Variants in ZFPM1 observed in about 807,000 individuals in gnomAD.
ZFPM1 encodes the protein zinc finger protein, FOG family member 1.
ZFPM1 carries 28 observed loss-of-function variants against 46.3 expected under a neutral mutation model. The observed-to-expected ratio is 0.60, with a 90% confidence interval of 0.45 to 0.83. The LOEUF (loss-of-function observed/expected upper bound fraction) is 0.83, where lower values mean the gene tolerates loss of function less well. ZFPM1 is among the 40% of genes least tolerant of loss of function. The pLI is 0.00. For missense variants in ZFPM1, 1,878 were observed against 1,432.4 expected (o/e 1.31, Z -5.02); for synonymous variants, 957 against 675.9 (o/e 1.42, Z -6.45).
chr16:88,473,651 C>T (rs76796676), intron 1 of ZFPM1, among the ~76,000 whole-genome samples: 4 of 152,132 alleles, frequency 2.6e-5, no homozygotes, highest in Admixed American at 2.0e-4. Flanking sequence ...CCGCGGCCCC[C>T]GCCCCATCTA....
At chr16:88,463,502 C>A (rs775132884) in intron 1 of ZFPM1, among the ~76,000 whole-genome samples, 2 of 152,242 alleles carry the variant, frequency 1.3e-5, no homozygotes, top group African/African-American at 4.8e-5. Context: ...TTTACTAGGC[C>A]CCTGCCTCGC....
chr16:88,474,255 G>A (rs1240912650), intron 1 of ZFPM1, among the ~76,000 whole-genome samples: 1 of 152,176 alleles, frequency 6.6e-6, no homozygotes, highest in Non-Finnish European at 1.5e-5. Flanking sequence ...GACACGGGTG[G>A]GGGACCAGCC....
intron 4 of ZFPM1, among the ~76,000 whole-genome samples, chr16:88,523,123 T>C (rs1912028150): frequency 6.6e-6 from 1 of 151,584 alleles, no homozygotes; most frequent in Admixed American, 6.6e-5. Flanking sequence ...GGAGAATTGC[T>C]TGAACCCCGG....
intron 1 of ZFPM1, among the ~76,000 whole-genome samples, chr16:88,472,260 C>T (rs555829910): frequency 6.6e-6 from 1 of 152,268 alleles, no homozygotes; most frequent in African/African-American, 2.4e-5. Context: ...CAGCTCTGCG[C>T]CTCGGTCCCA....
intron 4 of ZFPM1, chr16:88,516,356 A>G: frequency 2.5e-6 from 1 of 397,782 alleles, no homozygotes; most frequent in East Asian, 3.6e-5. Flanking sequence ...CCTAGGGCAC[A>G]GGCCATCCTG....
At position 88,497,531 on chromosome 16, in the gene ZFPM1, G is replaced by T. The variant is rs1413752440; in HGVS notation, c.268+8378G>T. On this transcript the variant is annotated intron_variant, in intron 3 of 9. Coordinates refer to ENST00000319555, the MANE Select transcript of ZFPM1 (RefSeq NM_153813.3). The surrounding 1 kb of genome is among the most constrained non-coding windows in gnomAD (Gnocchi z 5.4). ...TCAGGGTGGGGCTCAGGGCCCGGGC[G>T]GGGATGGGGTTCAGCGGGGTCAGGG... Among the ~76,000 whole-genome samples, 6 of 151,282 alleles carry T rather than the reference G, an allele frequency of 4.0e-5. No homozygotes were observed. Among genetic ancestry groups the T allele is most frequent in the African/African-American group, 9.7e-5 (4 of 41,036 alleles).
chr16:88,488,309 G>A (rs374127848), intron 2 of ZFPM1, among the ~76,000 whole-genome samples: 9 of 152,130 alleles, frequency 5.9e-5, no homozygotes, highest in East Asian at 1.9e-4. Flanking sequence ...GGTGGGGCCC[G>A]GGAAGGAGCT....
In ZFPM1 at chr16:88,455,091, TC is replaced by T. The variant is rs537376814; in HGVS notation, c.40+1414del. Among the ~76,000 whole-genome samples the T allele has an allele frequency of 1.8e-3, 275 of 152,242 alleles. 3 individuals are homozygous for T. Among genetic ancestry groups the T allele is most frequent in the African/African-American group, 6.4e-3 (265 of 41,530 alleles). On this transcript the variant is annotated intron_variant, in intron 1 of 9. Transcript: ENST00000319555. ...CCCGATCCGCGCTTGTGCTCTGGTTTCTTTTTCCTTCCTTCCCTGAGCGCCT... is the reference window on the plus strand; with the variant it reads ...CCCGATCCGCGCTTGTGCTCTGGTTTTTTTTCCTTCCTTCCCTGAGCGCCT...
At chr16:88,483,766 A>G (rs1200089759) in intron 1 of ZFPM1, among the ~76,000 whole-genome samples, 1 of 152,206 alleles carries the variant, frequency 6.6e-6, no homozygotes, top group Non-Finnish European at 1.5e-5. Flanking sequence ...CAGAAAAGGC[A>G]TCTGCCCCTC....
At chr16:88,473,134 A>C (rs1036716892) in intron 1 of ZFPM1, among the ~76,000 whole-genome samples, 7 of 152,258 alleles carry the variant, frequency 4.6e-5, no homozygotes, top group African/African-American at 1.7e-4. Flanking sequence ...AACGAGGAAA[A>C]GGCTGAACTG....
At chr16:88,498,258 C>T (rs561966325) in intron 3 of ZFPM1, among the ~76,000 whole-genome samples, 4 of 152,256 alleles carry the variant, frequency 2.6e-5, no homozygotes, top group African/African-American at 7.2e-5. Flanking sequence ...CTGGGGAGCC[C>T]GAGACAGAAC....
intron 3 of ZFPM1, among the ~76,000 whole-genome samples, chr16:88,493,322 GGAAA>G (rs1240113026): frequency 6.8e-6 from 1 of 146,516 alleles, no homozygotes; most frequent in Non-Finnish European, 1.5e-5. Context: ...CTGGGGTGTG[GGAAA>G]TTGTCCCGGG....
At position 88,488,891 on chromosome 16, in the gene ZFPM1, C is replaced by T. The variant is rs190698996; in HGVS notation, c.146-140C>T. On this transcript the variant is annotated intron_variant, in intron 2 of 9. Transcript: ENST00000319555. ...GATGTCTGTCCCACCCCAGTGAGAG[C>T]GCACCAGGAGATGGGGGTGGCTCTG... 3.1e-4 allele frequency: 406 copies of T among 1,303,546 alleles called. No individual in the cohort carries two copies. In the African/African-American group the frequency reaches 3.6e-3, roughly 12 times the overall value. The allele number at this position is 1,303,546 out of a possible 1,614,324, so 80.7% of individuals were successfully genotyped here.
Position 88,532,709 on chromosome 16 carries a change from G to T in ZFPM1, c.1042G>T (p.Gly348Cys). The T allele has an allele frequency of 4.3e-6, 7 of 1,611,800 alleles. No homozygotes were observed. The highest frequency in any genetic ancestry group is 5.9e-6 in the Non-Finnish European group (7 of 1,179,288). ...CAAGGTGCACACGGACACGCTGAGC[G>T]GTAGGCACCGCAGGGGCCGGGGGGT... ...HLKVHTDTLS[G>C]VCHSCGFIST... is the part of the protein sequence containing the mutation. Residue 348 changes from glycine (G) to cysteine (C), a missense_variant and splice_region_variant, in exon 8 of 10, where the codon GGT (glycine) becomes TGT (cysteine). Transcript: ENST00000319555.
rs979867042 is a variant in ZFPM1, at chr16:88,458,694, G to A, written c.40+5016G>A. Among the ~76,000 whole-genome samples, 6 of 152,184 alleles carry A rather than the reference G, an allele frequency of 3.9e-5. No homozygotes were observed. In the East Asian group the frequency reaches 5.8e-4, roughly 15 times the overall value. On this transcript the variant is annotated intron_variant, in intron 1 of 9. Coordinates refer to ENST00000319555, the MANE Select transcript of ZFPM1 (RefSeq NM_153813.3). ...CCGGCCACACTCGGGGCCCTGGTGG[G>A]GCTCCTGCCCACCTGGCCACCATAC...
intron 4 of ZFPM1, among the ~76,000 whole-genome samples, chr16:88,525,578 G>C (rs1272601077): frequency 6.6e-6 from 1 of 152,264 alleles, no homozygotes; most frequent in Non-Finnish European, 1.5e-5. Context: ...TGGACACCCA[G>C]GTGGCTAAGC....
rs1198807506 is a variant in ZFPM1, at chr16:88,533,851, A to G, written c.1893A>G (p.Glu631=). ...GCGCGCCCCCCGGCCAGCCCGCCGA[A>G]CCCGACGCGCCGCGCTCGTCCCCGG... ...PARAPPGQPA[E]PDAPRSSPGP... is the part of the protein sequence containing the mutation. The change falls in exon 10 of 10, where the codon GAA becomes GAG. Residue 631 remains glutamate (E), a synonymous_variant. Coordinates refer to ENST00000319555, the MANE Select transcript of ZFPM1 (RefSeq NM_153813.3). 2 of 978,956 alleles carry G rather than the reference A, an allele frequency of 2.0e-6. No homozygotes were observed. Among genetic ancestry groups the G allele is most frequent in the East Asian group, 2.4e-4 (2 of 8,374 alleles). 60.6% of individuals were successfully genotyped at this position (978,956 alleles called of 1,614,324 possible). A position where few individuals can be genotyped will look rare whatever the true frequency, so the allele number is the denominator to read the frequency against.
At chr16:88,477,135 A>G (rs974870453) in intron 1 of ZFPM1, among the ~76,000 whole-genome samples, 1 of 152,250 alleles carries the variant, frequency 6.6e-6, no homozygotes, top group Non-Finnish European at 1.5e-5. Flanking sequence ...GAACATGGAC[A>G]TAGAGGGAAC....
At chr16:88,468,168 A>T (rs1466966892) in intron 1 of ZFPM1, among the ~76,000 whole-genome samples, 1 of 78,190 alleles carries the variant, frequency 1.3e-5, no homozygotes, top group Non-Finnish European at 2.4e-5. Flanking sequence ...GCGAGCCCAC[A>T]GGCCCTGACG....
Sources: gnomAD v4.1 joint callset for allele counts (sites outside exome capture counted in the v4.1 genomes callset) on GRCh38, gnomAD v4.1.1 for gene constraint, Gnocchi (gnomAD v3.1) non-coding constraint, MANE v1.5 for transcripts, NCBI Gene and HGNC (gene_info 2026-07-23, HGNC 2026-07-21) for gene names.